The following CADM2 variants were observed in gnomAD, a reference collection of about 807,000 sequenced individuals.
The protein encoded by CADM2 is immunoglobulin superfamily member 4D.
A neutral mutation model predicts 49.8 loss-of-function variants in CADM2; 12 were observed. That is an observed-to-expected ratio of 0.24 (90% CI 0.15 to 0.39). CADM2 has a LOEUF of 0.39. Ranked by LOEUF, CADM2 falls within the 10% of genes least tolerant of loss-of-function variation. The pLI is 1.00. For missense variants in CADM2, 378 were observed against 492.3 expected (o/e 0.77, Z 2.20); for synonymous variants, 214 against 175.4 (o/e 1.22, Z -1.74).
At chr3:84,994,990 G>C (rs747684766) in intron 1 of CADM2, among the ~76,000 whole-genome samples, 1 of 151,902 alleles carries the variant, frequency 6.6e-6, no homozygotes, top group East Asian at 1.9e-4. Flanking sequence ...AAATTGAACC[G>C]TTGCACTCCA....
intron 1 of CADM2, among the ~76,000 whole-genome samples, chr3:85,011,929 G>A (rs1351418069): frequency 6.6e-6 from 1 of 152,040 alleles, no homozygotes; most frequent in South Asian, 2.1e-4. Context: ...ACATGTGCCT[G>A]CTGTTTTGAA....
At chr3:85,462,417 G>A (rs2038290827) in intron 1 of CADM2, among the ~76,000 whole-genome samples, 1 of 152,236 alleles carries the variant, frequency 6.6e-6, no homozygotes, top group South Asian at 2.1e-4. Flanking sequence ...AGTAGCCTAA[G>A]TCACCCACAA....
At chr3:85,037,776 C>G (rs1174354950) in intron 1 of CADM2, among the ~76,000 whole-genome samples, 3 of 152,160 alleles carry the variant, frequency 2.0e-5, no homozygotes, top group Non-Finnish European at 4.4e-5. Flanking sequence ...TACATGCAGT[C>G]TCTGCATATA....
chr3:85,925,844 A>G (rs545546757), intron 6 of CADM2, among the ~76,000 whole-genome samples: 2 of 152,248 alleles, frequency 1.3e-5, no homozygotes, highest in South Asian at 2.1e-4. Flanking sequence ...ATAGACAAAT[A>G]TAAAGAAAAT....
Position 85,818,879 on chromosome 3 carries a change from G to A in CADM2, c.238+16683G>A, listed in dbSNP as rs1160533941. 1.4e-5 allele frequency among the ~76,000 whole-genome samples: 2 copies of A among 140,720 alleles called. 1 individual carries two copies. 92.3% of individuals were successfully genotyped at this position (140,720 alleles called of 152,430 possible). On this transcript the variant is annotated intron_variant, in intron 3 of 9. Transcript: ENST00000383699. The stretch of plus-strand genomic sequence containing the variant: ...GTATATTAATCAAGGTTCTCCAGAG[G>A]AACAGAACTAATAGGATAGACGTAT...
At chr3:85,202,982 C>T (rs1433269848) in intron 1 of CADM2, among the ~76,000 whole-genome samples, 1 of 152,176 alleles carries the variant, frequency 6.6e-6, no homozygotes, top group African/African-American at 2.4e-5. Flanking sequence ...AACTTTTCTT[C>T]TGCAGCTTCC....
intron 3 of CADM2, among the ~76,000 whole-genome samples, chr3:85,849,104 G>A (rs902853385): frequency 4.6e-5 from 7 of 152,148 alleles, no homozygotes; most frequent in Non-Finnish European, 1.0e-4. Context: ...CAGTTCCAGA[G>A]AATGGCAGAA....
chr3:85,374,850 C>A (rs7613186), intron 1 of CADM2, among the ~76,000 whole-genome samples: 1 of 152,090 alleles, frequency 6.6e-6, no homozygotes, highest in African/African-American at 2.4e-5. Flanking sequence ...CCACCAGGTT[C>A]CTCCCATGAC....
At position 85,912,822 on chromosome 3, in the gene CADM2, G is replaced by T. The variant is rs556988492; in HGVS notation, c.700+279G>T. Among the ~76,000 whole-genome samples the T allele has an allele frequency of 1.4e-3, 214 of 152,162 alleles. 2 individuals are homozygous for T. In the Middle Eastern group the frequency reaches 0.02, roughly 15 times the overall value. On this transcript the variant is annotated intron_variant, in intron 6 of 9. Coordinates refer to ENST00000383699, the MANE Select transcript of CADM2 (RefSeq NM_001167675.2). ...ACGTAGGCGTGCACGTAAGGGTGGG[G>T]GAGAAAAAGTAGTAATTTGAGCAAA... is the stretch of plus-strand genomic sequence containing the variant.
At chr3:85,291,234 G>C (rs1428410264) in intron 1 of CADM2, among the ~76,000 whole-genome samples, 1 of 151,948 alleles carries the variant, frequency 6.6e-6, no homozygotes, top group Non-Finnish European at 1.5e-5. Context: ...GGGAAGTTTA[G>C]AGAAAAAAGA....
chr3:85,577,724 A>G (rs149962949), intron 1 of CADM2, among the ~76,000 whole-genome samples: 9 of 152,256 alleles, frequency 5.9e-5, no homozygotes, highest in Non-Finnish European at 1.3e-4. Context: ...TAAATGCCTT[A>G]AATTTAGCAT....
intron 1 of CADM2, among the ~76,000 whole-genome samples, chr3:85,592,225 A>G (rs977416933): frequency 2.6e-5 from 4 of 151,998 alleles, no homozygotes; most frequent in Non-Finnish European, 5.9e-5. Context: ...AGAAGAGAGA[A>G]AAATTGTAGA....
chr3:85,748,142 T>C, intron 2 of CADM2, among the ~76,000 whole-genome samples: 1 of 152,234 alleles, frequency 6.6e-6, no homozygotes, highest in African/African-American at 2.4e-5. Flanking sequence ...TCTCCATTAG[T>C]AGAAAAAGAA....
intron 1 of CADM2, among the ~76,000 whole-genome samples, chr3:85,715,122 A>G (rs2067244956): frequency 6.6e-6 from 1 of 152,228 alleles, no homozygotes; most frequent in Non-Finnish European, 1.5e-5. Flanking sequence ...ACATATATAT[A>G]TGCATATGCA....
chr3:86,014,812 C>T lies in CADM2; in HGVS notation c.971-50793C>T. ...CACAGGAGGAAAGATATAGAGCTTC[C>T]ATCCACCATCTATGAAGCCCTCCAC... On this transcript the variant is annotated intron_variant, in intron 8 of 9. Coordinates refer to ENST00000383699, the MANE Select transcript of CADM2 (RefSeq NM_001167675.2). 5 of 1,484,564 alleles carry T rather than the reference C, an allele frequency of 3.4e-6. No individual in the cohort carries two copies. In the South Asian group the frequency reaches 6.8e-5, roughly 20 times the overall value. 92.0% of individuals were successfully genotyped at this position (1,484,564 alleles called of 1,614,324 possible).
chr3:85,149,147 A>G (rs1362850442), intron 1 of CADM2, among the ~76,000 whole-genome samples: 1 of 151,706 alleles, frequency 6.6e-6, no homozygotes, highest in Admixed American at 6.6e-5. Flanking sequence ...TTCCCCCAAT[A>G]TTATCTTTTT....
At chr3:85,564,491 G>C (rs1049921456) in intron 1 of CADM2, among the ~76,000 whole-genome samples, 14 of 151,884 alleles carry the variant, frequency 9.2e-5, no homozygotes, top group Admixed American at 3.9e-4. Context: ...TCTTTTACTT[G>C]ATACTCCTAG....
intron 1 of CADM2, among the ~76,000 whole-genome samples, chr3:85,563,299 G>A (rs1358102894): frequency 6.6e-6 from 1 of 151,280 alleles, no homozygotes; most frequent in African/African-American, 2.4e-5. Context: ...GGATTGAAGG[G>A]GGAATTTGAT....
chr3:85,730,003 A>G (rs2067862707), intron 2 of CADM2, among the ~76,000 whole-genome samples: 1 of 152,208 alleles, frequency 6.6e-6, no homozygotes, highest in South Asian at 2.1e-4. Context: ...TTCTCATGAC[A>G]TGAATATTAG....
Sources: gnomAD v4.1 joint callset for allele counts (sites outside exome capture counted in the v4.1 genomes callset) on GRCh38, gnomAD v4.1.1 for gene constraint, MANE v1.5 for transcripts, NCBI Gene and HGNC (gene_info 2026-07-23, HGNC 2026-07-21) for gene names.